PDZRN4: variants seen among roughly 807,000 people sequenced by gnomAD.
The protein encoded by PDZRN4 is PDZ domain containing ring finger 4, also known as PDZ domain-containing RING finger protein 4.
In PDZRN4, 70 loss-of-function variants were observed where a neutral mutation model predicts 99.0. That is an observed-to-expected ratio of 0.71 (90% confidence interval 0.58 to 0.86). The LOEUF is 0.86. PDZRN4 is among the 40% of genes least tolerant of loss of function. The probability of loss-of-function intolerance (pLI) is 0.00; values close to 1 mark genes in which losing one functional copy is unlikely to be tolerated. For synonymous variants in PDZRN4, 551 were observed against 501.6 expected, an observed-to-expected ratio of 1.10 and a Z score of -1.32; for missense variants, 1,474 against 1,331.2, an observed-to-expected ratio of 1.11 and a Z score of -1.67.
intron 3 of PDZRN4, among the ~76,000 whole-genome samples, chr12:41,321,437 CAG>C (rs1259655411): frequency 6.6e-6 from 1 of 152,166 alleles, no homozygotes. Context: ...CACAGCCTGA[CAG>C]AGAAATTTCC....
At chr12:41,281,499 TA>T (rs1951385554) in intron 3 of PDZRN4, among the ~76,000 whole-genome samples, 1 of 152,092 alleles carries the variant, frequency 6.6e-6, no homozygotes, top group African/African-American at 2.4e-5. Context: ...CTAACTAGAA[TA>T]ACCAGTTTAG....
At chr12:41,370,444 T>C (rs1952032863) in intron 3 of PDZRN4, among the ~76,000 whole-genome samples, 2 of 152,136 alleles carry the variant, frequency 1.3e-5, no homozygotes, top group South Asian at 4.1e-4. Flanking sequence ...ATGAAAAGTC[T>C]TTTATCAGTC....
chr12:41,450,596 T>C (rs909387126), intron 3 of PDZRN4, among the ~76,000 whole-genome samples: 3 of 152,140 alleles, frequency 2.0e-5, no homozygotes, highest in African/African-American at 4.8e-5. Context: ...AAAGTGATGT[T>C]TCTACCTGAG....
intron 3 of PDZRN4, among the ~76,000 whole-genome samples, chr12:41,505,310 T>C (rs1938186495): frequency 6.6e-6 from 1 of 152,084 alleles, no homozygotes; most frequent in South Asian, 2.1e-4. Flanking sequence ...TTGGGCACAG[T>C]ATTGTGCCAC....
rs542316020 is a variant in PDZRN4, at chr12:41,462,677, T to A, written c.844-43779T>A. Reference sequence around the variant, plus strand: ...TTGATTAATGTCAGATTTTGGCAAATCAAGTTTAAAAAATGTGAATTTTAG... The same window carrying A: ...TTGATTAATGTCAGATTTTGGCAAAACAAGTTTAAAAAATGTGAATTTTAG... On this transcript the variant is annotated intron_variant, in intron 3 of 9. Coordinates refer to ENST00000402685, the MANE Select transcript of PDZRN4 (RefSeq NM_001164595.2). 6.6e-5 allele frequency among the ~76,000 whole-genome samples: 10 copies of A among 152,226 alleles called. No homozygotes were observed. In the South Asian group the frequency reaches 2.1e-3, roughly 32 times the overall value.
chr12:41,362,860 T>C (rs1951973537), intron 3 of PDZRN4, among the ~76,000 whole-genome samples: 1 of 152,114 alleles, frequency 6.6e-6, no homozygotes, highest in South Asian at 2.1e-4. Context: ...CTTTTATTAA[T>C]CACAAAGGAT....
intron 7 of PDZRN4, among the ~76,000 whole-genome samples, chr12:41,559,080 T>C (rs867574599): frequency 6.6e-6 from 1 of 152,152 alleles, no homozygotes; most frequent in African/African-American, 2.4e-5. Context: ...GTAAAGTATG[T>C]CAATGGCCCT....
intron 3 of PDZRN4, among the ~76,000 whole-genome samples, chr12:41,387,105 C>T (rs989783054): frequency 4.6e-5 from 7 of 152,046 alleles, no homozygotes; most frequent in African/African-American, 1.7e-4. Context: ...GCAATAAAAT[C>T]AAAAATTCAC....
intron 3 of PDZRN4, among the ~76,000 whole-genome samples, chr12:41,348,128 A>T (rs1183226755): frequency 6.6e-6 from 1 of 152,166 alleles, no homozygotes; most frequent in African/African-American, 2.4e-5. Context: ...TAAATTAAAA[A>T]TAAAGGTAAA....
At chr12:41,406,978 T>C (rs1179185230) in intron 3 of PDZRN4, among the ~76,000 whole-genome samples, 1 of 152,090 alleles carries the variant, frequency 6.6e-6, no homozygotes, top group Non-Finnish European at 1.5e-5. Flanking sequence ...AGTTTGAATA[T>C]TGCACTGACA....
chr12:41,262,053 T>C (rs1951244112), intron 3 of PDZRN4, among the ~76,000 whole-genome samples: 2 of 152,174 alleles, frequency 1.3e-5, no homozygotes, highest in South Asian at 4.1e-4. Context: ...TTGCAATTTC[T>C]CTTCCAATCT....
chr12:41,552,476 A>G (rs1451769455), intron 5 of PDZRN4, among the ~76,000 whole-genome samples, 180 bp from the exon 6 acceptor site: 1 of 152,080 alleles, frequency 6.6e-6, no homozygotes, highest in East Asian at 1.9e-4. Context: ...TTCCCTACAT[A>G]GAAATCCATG....
intron 3 of PDZRN4, among the ~76,000 whole-genome samples, chr12:41,243,900 C>T (rs1001200821): frequency 3.9e-5 from 6 of 152,076 alleles, no homozygotes; most frequent in Non-Finnish European, 8.8e-5. Flanking sequence ...CATTCATTTC[C>T]CTCTCATATT....
At chr12:41,332,980 C>T (rs1035456122) in intron 3 of PDZRN4, among the ~76,000 whole-genome samples, 3 of 152,036 alleles carry the variant, frequency 2.0e-5, no homozygotes, top group African/African-American at 7.2e-5. Flanking sequence ...CTGACACTAT[C>T]GACAGTTTAG....
In PDZRN4 at chr12:41,194,183, A is replaced by T. The variant is rs770654824; in HGVS notation, c.838A>T (p.Met280Leu). ...ADGLEIHDKI[M>L]EVNGKDLSKA... ...TGGCCTGGAGATTCATGACAAAATC[A>T]TGGAGGTAAGACAATGATAAAACAT... The change falls in exon 3 of 10, where the codon ATG becomes TTG. Residue 280 changes from methionine to leucine, a missense_variant. Physicochemically the swap from Met to Leu is conservative, Grantham distance 15 (BLOSUM62 2). Transcript: ENST00000402685. 3 of 1,403,826 alleles carry T rather than the reference A, an allele frequency of 2.1e-6. No individual in the cohort carries two copies. The highest frequency in any genetic ancestry group is 3.0e-6 in the Non-Finnish European group (3 of 1,002,112). 87.0% of individuals were successfully genotyped at this position (1,403,826 alleles called of 1,614,324 possible).
intron 3 of PDZRN4, among the ~76,000 whole-genome samples, chr12:41,241,164 C>T (rs1224533310): frequency 2.6e-5 from 4 of 152,152 alleles, no homozygotes; most frequent in Non-Finnish European, 5.9e-5. Context: ...TTTATGGGTA[C>T]AGTATCCCTC....
At chr12:41,288,429 AT>A (rs1267017342) in intron 3 of PDZRN4, among the ~76,000 whole-genome samples, 62 of 152,246 alleles carry the variant, frequency 4.1e-4, no homozygotes, top group Admixed American at 3.5e-3. Context: ...AAGTGGCAGT[AT>A]TTCTCAGGTA....
chr12:41,212,643 T>G (rs1029462141), intron 3 of PDZRN4, among the ~76,000 whole-genome samples: 1 of 152,062 alleles, frequency 6.6e-6, no homozygotes, highest in Non-Finnish European at 1.5e-5. Flanking sequence ...ACTGGAATTA[T>G]GGTAAAGTCA....
intron 3 of PDZRN4, among the ~76,000 whole-genome samples, chr12:41,480,629 A>G (rs1009798614): frequency 6.6e-5 from 10 of 152,182 alleles, no homozygotes; most frequent in African/African-American, 2.4e-4. Flanking sequence ...CAACATTGCT[A>G]TTAATTTTTT....
Sources: allele counts gnomAD v4.1 joint callset (sites outside exome capture counted in the v4.1 genomes callset), GRCh38; gene constraint gnomAD v4.1.1; transcripts MANE v1.5; gene names NCBI Gene and HGNC (gene_info 2026-07-23, HGNC 2026-07-21).